Variants in TMC1 observed in about 807,000 individuals in gnomAD.
TMC1 encodes transmembrane channel-like protein 1.
TMC1 carries 84 observed loss-of-function variants against 105.8 expected under a neutral mutation model. That is an observed-to-expected ratio of 0.79 (90% CI 0.67 to 0.95). The LOEUF is 0.95. TMC1 is among the 40% of genes least tolerant of loss of function. The probability of loss-of-function intolerance (pLI) is 0.00; values close to 1 mark genes in which losing one functional copy is unlikely to be tolerated. For missense variants in TMC1, 817 were observed against 914.1 expected (o/e 0.89, Z 1.37); for synonymous variants, 315 against 311.5 (o/e 1.01, Z -0.12).
At chr9:72,700,734 A>ATG (rs1826629872) in intron 8 of TMC1, 91 bp downstream of exon 8, 1 of 173,004 alleles carries the variant, frequency 5.8e-6, no homozygotes, top group Admixed American at 1.0e-4. Flanking sequence ...ATATATATAT[A>ATG]TATATATATA....
chr9:72,764,933 T>C (rs1179611858), intron 12 of TMC1, among the ~76,000 whole-genome samples: 1 of 152,128 alleles, frequency 6.6e-6, no homozygotes. Flanking sequence ...CTTGGGAACA[T>C]AATGGAATAA....
chr9:72,750,495 A>T lies in TMC1; in HGVS notation c.536-1355A>T, dbSNP rs182375559. Among the ~76,000 whole-genome samples, 6 of 152,218 alleles carry T rather than the reference A, an allele frequency of 3.9e-5. No individual in the cohort carries two copies. The East Asian group carries it at 1.2e-3, about 29-fold the overall frequency. ...TAAATCTATGAAATCTGAACCTAAG[A>T]CTTAACCTCTTCATTTTTCTTCTTC... On this transcript the variant is annotated intron_variant, in intron 10 of 23. Coordinates refer to ENST00000297784, the MANE Select transcript of TMC1 (RefSeq NM_138691.3).
chr9:72,831,684 G>A (rs559944125), intron 23 of TMC1, among the ~76,000 whole-genome samples: 70 of 152,128 alleles, frequency 4.6e-4, no homozygotes, highest in African/African-American at 1.6e-3. Context: ...AAGAACATGC[G>A]GTGTTTGGTT....
chr9:72,706,848 C>T (rs1372787799), intron 8 of TMC1, among the ~76,000 whole-genome samples: 1 of 150,422 alleles, frequency 6.6e-6, no homozygotes, highest in Non-Finnish European at 1.5e-5. Context: ...GATCTCGGCT[C>T]ACTGCAACCT....
At chr9:72,522,155 T>TTTTTTTTG (rs201837310) in intron 1 of TMC1, among the ~76,000 whole-genome samples, 32 of 133,260 alleles carry the variant, frequency 2.4e-4, no homozygotes, top group Middle Eastern at 4.4e-3. Context: ...AATTGATAAG[T>TTTTTTTTG]TTTTTTTTTT....
intron 18 of TMC1, among the ~76,000 whole-genome samples, chr9:72,808,686 T>C (rs1268622313): frequency 1.3e-5 from 2 of 152,250 alleles, no homozygotes; most frequent in Non-Finnish European, 1.5e-5. Flanking sequence ...GCCAGAACTC[T>C]GCCTCCTTCG....
chr9:72,805,965 C>A (rs1311748682), intron 18 of TMC1, among the ~76,000 whole-genome samples: 2 of 152,102 alleles, frequency 1.3e-5, no homozygotes, highest in Non-Finnish European at 2.9e-5. Context: ...GACACGGCAA[C>A]CATCCGATTT....
At chr9:72,660,174 G>A (rs1242736915) in intron 5 of TMC1, among the ~76,000 whole-genome samples, 1 of 152,002 alleles carries the variant, frequency 6.6e-6, no homozygotes, top group Non-Finnish European at 1.5e-5. Flanking sequence ...ACACTTCCTG[G>A]GTAATGAACA....
intron 8 of TMC1, among the ~76,000 whole-genome samples, chr9:72,724,361 G>A (rs1352529836): frequency 6.6e-6 from 1 of 152,162 alleles, no homozygotes; most frequent in Non-Finnish European, 1.5e-5. Flanking sequence ...CTTTTTATCA[G>A]GAGCCTACTC....
intron 5 of TMC1, among the ~76,000 whole-genome samples, chr9:72,657,493 C>A (rs527954774): frequency 4.1e-4 from 63 of 152,138 alleles, no homozygotes; most frequent in African/African-American, 1.5e-3. Context: ...TTTGAGGATT[C>A]CCTTTAGTTA....
chr9:72,626,160 ACTGT>A (rs982021735), intron 3 of TMC1, among the ~76,000 whole-genome samples: 7 of 152,318 alleles, frequency 4.6e-5, no homozygotes, highest in Non-Finnish European at 7.4e-5. Context: ...AGCCCCAGTC[ACTGT>A]CTGACCACAA....
chr9:72,656,586 A>G (rs755683958), intron 5 of TMC1, among the ~76,000 whole-genome samples: 4 of 152,132 alleles, frequency 2.6e-5, no homozygotes, highest in Non-Finnish European at 4.4e-5. Context: ...TGAAATTACT[A>G]TATCTGTTTC....
At chr9:72,817,478 T>C (rs181383995) in intron 19 of TMC1, among the ~76,000 whole-genome samples, 2 of 152,270 alleles carry the variant, frequency 1.3e-5, no homozygotes, top group Admixed American at 1.3e-4. Context: ...TGAGCTTTCA[T>C]TTCCTGGAGT....
chr9:72,663,258 T>A (rs1423187834), intron 5 of TMC1, among the ~76,000 whole-genome samples: 1 of 152,120 alleles, frequency 6.6e-6, no homozygotes, highest in Admixed American at 6.5e-5. Context: ...TGCTTCTTGG[T>A]GGGGCCACAG....
intron 5 of TMC1, among the ~76,000 whole-genome samples, chr9:72,670,169 G>T (rs984397879): frequency 6.6e-6 from 1 of 152,306 alleles, no homozygotes; most frequent in East Asian, 1.9e-4. Flanking sequence ...CAGTGCATGT[G>T]TGTGGCTGGA....
intron 8 of TMC1, among the ~76,000 whole-genome samples, chr9:72,702,128 T>C (rs1386981090): frequency 3.3e-5 from 5 of 152,196 alleles, no homozygotes; most frequent in African/African-American, 1.2e-4. Flanking sequence ...TCAAATATAT[T>C]TGAAATATTA....
intron 2 of TMC1, among the ~76,000 whole-genome samples, chr9:72,587,588 G>A (rs4307407): frequency 0.45 from 68,412 of 151,972 alleles, 17,456 homozygotes; most frequent in African/African-American, 0.7. Context: ...TCTATTGATG[G>A]AAGATGCATT....
chr9:72,722,690 G>C (rs1236556247), intron 8 of TMC1, among the ~76,000 whole-genome samples: 1 of 152,126 alleles, frequency 6.6e-6, no homozygotes, highest in East Asian at 1.9e-4. Flanking sequence ...AAATGTTAAT[G>C]TCTTTTTTGT....
Position 72,816,069 on chromosome 9 carries a change from C to A in TMC1, c.1696-74C>A, listed in dbSNP as rs139272087. 6.9e-4 allele frequency: 908 copies of A among 1,319,316 alleles called. 11 individuals are homozygous for A. The East Asian group carries it at 0.017, about 24-fold the overall frequency. The allele number at this position is 1,319,316 out of a possible 1,614,324, so 81.7% of individuals were successfully genotyped here. Reference sequence around the variant, plus strand: ...GGAAGTAATTGAAACCCTAGCCATGCCTATGCAGAACAATTTGCCTTTCAG... The same window carrying A: ...GGAAGTAATTGAAACCCTAGCCATGACTATGCAGAACAATTTGCCTTTCAG... On this transcript the variant is annotated intron_variant, in intron 18 of 23. Coordinates refer to ENST00000297784, the MANE Select transcript of TMC1 (RefSeq NM_138691.3).
Sources: allele counts gnomAD v4.1 joint callset (sites outside exome capture counted in the v4.1 genomes callset), GRCh38; gene constraint gnomAD v4.1.1; transcripts MANE v1.5; gene names NCBI Gene and HGNC (gene_info 2026-07-23, HGNC 2026-07-21).